Variants in DACH2 observed in about 807,000 individuals in gnomAD.
DACH2 encodes the protein dachshund family transcription factor 2, also known as dachshund homolog 2.
Under a neutral mutation model 35.8 loss-of-function variants are expected in DACH2, and 17 were observed. The observed-to-expected ratio is 0.48, with a 90% confidence interval of 0.33 to 0.71. DACH2 has a LOEUF of 0.71. Ranked by LOEUF, DACH2 falls within the 30% of genes least tolerant of loss-of-function variation. The pLI is 0.02. For missense variants in DACH2, 469 were observed against 472.7 expected (o/e 0.99, Z 0.07); for synonymous variants, 195 against 177.3 (o/e 1.10, Z -0.79).
At chrX:86,418,350 A>G (rs1433068913) in intron 2 of DACH2, among the ~76,000 whole-genome samples, 1 of 112,251 alleles carries the variant, frequency 8.9e-6, no homozygotes, top group Non-Finnish European at 1.9e-5. Context: ...TCACTGCCCT[A>G]GCAGAAGTTC....
At chrX:86,161,985 G>A (rs2030776329) in intron 1 of DACH2, among the ~76,000 whole-genome samples, 1 of 112,031 alleles carries the variant, frequency 8.9e-6, no homozygotes, top group Non-Finnish European at 1.9e-5. Flanking sequence ...TACTCCATAG[G>A]CAGAGCAGCC....
chrX:86,281,268 C>T (rs958788267), intron 1 of DACH2, among the ~76,000 whole-genome samples: 1 of 110,958 alleles, frequency 9.0e-6, no homozygotes, highest in Non-Finnish European at 1.9e-5. Context: ...ACTGGCAAAC[C>T]AAATCCAGCA....
intron 2 of DACH2, among the ~76,000 whole-genome samples, chrX:86,456,106 G>A (rs998965008): frequency 2.7e-5 from 3 of 112,147 alleles, no homozygotes; most frequent in African/African-American, 6.5e-5. Context: ...CATGCCACTC[G>A]TGGTTGGGCC....
chrX:86,449,426 GTTTC>G lies in DACH2; in HGVS notation c.528-64849_528-64846del, dbSNP rs989320417. ...TTTGGATCTTTCCTGCTTTCTCTTT[GTTTC>G]TTTATTTATTTAGCCACTCTATATC... On this transcript the variant is annotated intron_variant, in intron 2 of 11. Coordinates refer to ENST00000373125, the MANE Select transcript of DACH2 (RefSeq NM_053281.3). 3.5e-3 allele frequency among the ~76,000 whole-genome samples: 382 copies of G among 110,502 alleles called. 2 individuals are homozygous for G. Among genetic ancestry groups the G allele is most frequent in the Non-Finnish European group, 5.2e-3 (277 of 52,770 alleles).
At position 86,725,976 on chromosome X, in the gene DACH2, G is replaced by T. The variant is rs1033481190; in HGVS notation, c.1104+11256G>T. Among the ~76,000 whole-genome samples the T allele has an allele frequency of 1.4e-4, 16 of 111,401 alleles. No homozygotes were observed. In the Admixed American group the frequency reaches 1.5e-3, roughly 11 times the overall value. ...TGGGTCCTGCATGGCATGCTTGAGTGTTGGGGATATGGGTCTAGGCAAGCA... is the reference window on the plus strand; with the variant it reads ...TGGGTCCTGCATGGCATGCTTGAGTTTTGGGGATATGGGTCTAGGCAAGCA... On this transcript the variant is annotated intron_variant, in intron 6 of 11. Coordinates refer to ENST00000373125, the MANE Select transcript of DACH2 (RefSeq NM_053281.3).
chrX:86,295,005 C>T (rs1186689175), intron 1 of DACH2, among the ~76,000 whole-genome samples: 1 of 112,485 alleles, frequency 8.9e-6, no homozygotes, highest in Non-Finnish European at 1.9e-5. Context: ...CAATGGCGGG[C>T]GCCCCTCCTC....
At chrX:86,289,256 T>C (rs1455007300) in intron 1 of DACH2, among the ~76,000 whole-genome samples, 1 of 106,018 alleles carries the variant, frequency 9.4e-6, no homozygotes, top group African/African-American at 3.5e-5. Context: ...GTATTCAAGA[T>C]GCAAGACAAA....
intron 4 of DACH2, among the ~76,000 whole-genome samples, chrX:86,674,062 A>G (rs1569464967): frequency 1.8e-5 from 2 of 112,224 alleles, no homozygotes; most frequent in Non-Finnish European, 3.8e-5. Context: ...GAATGGACTA[A>G]TCTAAGGCAG....
rs562754104 is a variant in DACH2, at chrX:86,432,969, T to C, written c.527+56107T>C. On this transcript the variant is annotated intron_variant, in intron 2 of 11. Transcript: ENST00000373125. ...GCGTGGTCGTTAAATACATGGACTA[T>C]GGACCCAGACTCTTCAGTTTATAAC... Among the ~76,000 whole-genome samples, 20 of 111,733 alleles carry C rather than the reference T, an allele frequency of 1.8e-4. No individual in the cohort carries two copies. The South Asian group carries it at 7.4e-3, about 41-fold the overall frequency.
chrX:86,713,930 T>A (rs555117373), intron 5 of DACH2, among the ~76,000 whole-genome samples: 1 of 112,227 alleles, frequency 8.9e-6, no homozygotes, highest in Admixed American at 9.5e-5. Flanking sequence ...TGTTATTAAG[T>A]ATTTCTTATT....
At chrX:86,217,294 C>A (rs1374010154) in intron 1 of DACH2, among the ~76,000 whole-genome samples, 1 of 111,040 alleles carries the variant, frequency 9.0e-6, no homozygotes, top group Non-Finnish European at 1.9e-5. Context: ...TATAAACATC[C>A]TATTTGAAGA....
At chrX:86,189,047 C>G (rs1211113329) in intron 1 of DACH2, among the ~76,000 whole-genome samples, 1 of 111,693 alleles carries the variant, frequency 9.0e-6, no homozygotes, top group African/African-American at 3.3e-5. Context: ...CGAAGTGACT[C>G]AGTATTTATA....
intron 1 of DACH2, among the ~76,000 whole-genome samples, chrX:86,338,803 T>A (rs758663070): frequency 9.9e-5 from 11 of 111,033 alleles, no homozygotes; most frequent in Admixed American, 6.7e-4. Context: ...AAGGTCAACA[T>A]AATAGATAGA....
intron 1 of DACH2, among the ~76,000 whole-genome samples, chrX:86,289,183 A>T (rs981668718): frequency 1.8e-5 from 2 of 108,324 alleles, no homozygotes; most frequent in African/African-American, 6.7e-5. Flanking sequence ...GTTGCTCAGG[A>T]GGAAGGTCCT....
At position 86,832,323 on chromosome X, in the gene DACH2, A is replaced by G. The variant is rs773051309; in HGVS notation, c.*168A>G. ...AAAAGAAACGCGTGTACATTTTAAA[A>G]GCAATGATGTAAACTTTGTTCTTGC... On this transcript the variant is annotated 3_prime_UTR_variant, in exon 12 of 12. Coordinates refer to ENST00000373125, the MANE Select transcript of DACH2 (RefSeq NM_053281.3). The G allele has an allele frequency of 2.3e-6, 1 of 432,626 alleles. No individual in the cohort carries two copies. The highest frequency in any genetic ancestry group is 4.0e-5 in the East Asian group (1 of 24,864). 35.7% of individuals were successfully genotyped at this position (432,626 alleles called of 1,213,427 possible). A position where few individuals can be genotyped will look rare whatever the true frequency, so the allele number is the denominator to read the frequency against.
At chrX:86,719,667 G>A (rs1406280350) in intron 6 of DACH2, among the ~76,000 whole-genome samples, 1 of 111,198 alleles carries the variant, frequency 9.0e-6, no homozygotes, top group East Asian at 2.9e-4. Context: ...GGAAATGCCA[G>A]ACATTTATAA....
intron 3 of DACH2, among the ~76,000 whole-genome samples, chrX:86,609,810 A>G (rs1211526374): frequency 9.0e-6 from 1 of 111,306 alleles, no homozygotes; most frequent in Non-Finnish European, 1.9e-5. Context: ...CTCCCCCACA[A>G]AATAGAGTCT....
intron 7 of DACH2, among the ~76,000 whole-genome samples, chrX:86,800,536 A>T (rs2042281983): frequency 8.9e-6 from 1 of 112,244 alleles, no homozygotes; most frequent in Non-Finnish European, 1.9e-5. Flanking sequence ...ATAGCAATAG[A>T]CAGCATCTAA....
intron 4 of DACH2, among the ~76,000 whole-genome samples, chrX:86,680,573 A>C (rs763672103): frequency 9.1e-6 from 1 of 109,984 alleles, no homozygotes; most frequent in African/African-American, 3.3e-5. Flanking sequence ...TATACTCATC[A>C]TTGTTTTATT....
Sources: allele counts gnomAD v4.1 joint callset (sites outside exome capture counted in the v4.1 genomes callset), GRCh38; gene constraint gnomAD v4.1.1; transcripts MANE v1.5; gene names NCBI Gene and HGNC (gene_info 2026-07-23, HGNC 2026-07-21).